PTPRD: variants seen among roughly 807,000 people sequenced by gnomAD.
The protein encoded by PTPRD is protein tyrosine phosphatase receptor type D, also known as receptor-type tyrosine-protein phosphatase delta.
Under a neutral mutation model 214.5 loss-of-function variants are expected in PTPRD, and 34 were observed. That is an observed-to-expected ratio of 0.16 (90% CI 0.12 to 0.21). PTPRD has a LOEUF of 0.21. Ranked by LOEUF, PTPRD falls within the 10% of genes least tolerant of loss-of-function variation. PTPRD has a pLI of 1.00. For synonymous variants in PTPRD, 1,128 were observed against 845.7 expected (o/e 1.33, Z -5.79); for missense variants, 2,545 against 2,398.7 (o/e 1.06, Z -1.27).
At chr9:10,455,389 T>G (rs2098903309) in intron 2 of PTPRD, among the ~76,000 whole-genome samples, 2 of 151,750 alleles carry the variant, frequency 1.3e-5, no homozygotes, top group Admixed American at 1.3e-4. Context: ...CTCTACTTGG[T>G]CCTCAACTAT....
At chr9:9,992,006 G>C in intron 4 of PTPRD, among the ~76,000 whole-genome samples, 1 of 152,122 alleles carries the variant, frequency 6.6e-6, no homozygotes, top group Admixed American at 6.5e-5. Flanking sequence ...CTAAATGAAA[G>C]GAGTCAGTCA....
At chr9:9,538,997 C>T (rs2077050986) in intron 8 of PTPRD, among the ~76,000 whole-genome samples, 1 of 151,734 alleles carries the variant, frequency 6.6e-6, no homozygotes, top group African/African-American at 2.4e-5. Context: ...AGTAAGACAG[C>T]CATGTTCCTG....
intron 11 of PTPRD, among the ~76,000 whole-genome samples, chr9:8,940,280 C>CCTTTTTTTTTTTTT (rs763715400): frequency 2.2e-5 from 2 of 89,050 alleles, no homozygotes; most frequent in African/African-American, 4.4e-5. Context: ...TCTCTCTCTC[C>CCTTTTTTTTTTTTT]TTTTTTTTTT....
At chr9:8,778,192 T>C (rs2095557460) in intron 11 of PTPRD, among the ~76,000 whole-genome samples, 1 of 152,252 alleles carries the variant, frequency 6.6e-6, no homozygotes, top group Admixed American at 6.5e-5. Flanking sequence ...GCCGGCGTGA[T>C]AGCCACAGGC....
chr9:9,713,235 T>G (rs1308331217), intron 7 of PTPRD, among the ~76,000 whole-genome samples: 1 of 152,172 alleles, frequency 6.6e-6, no homozygotes, highest in Non-Finnish European at 1.5e-5. Flanking sequence ...TGCCTAAGAA[T>G]AAGCTTAAAG....
intron 21 of PTPRD, among the ~76,000 whole-genome samples, chr9:8,515,503 A>C (rs1206072784): frequency 6.6e-6 from 1 of 152,168 alleles, no homozygotes; most frequent in Non-Finnish European, 1.5e-5. Flanking sequence ...ACCTTATTTC[A>C]ATATAGGATC....
At chr9:10,055,257 G>A (rs571287532) in intron 3 of PTPRD, among the ~76,000 whole-genome samples, 2 of 152,172 alleles carry the variant, frequency 1.3e-5, no homozygotes, top group African/African-American at 2.4e-5. Context: ...GGTCTGGTGC[G>A]ACTTTTCTTT....
At chr9:9,090,669 C>T (rs1188604810) in intron 10 of PTPRD, among the ~76,000 whole-genome samples, 1 of 152,164 alleles carries the variant, frequency 6.6e-6, no homozygotes, top group Non-Finnish European at 1.5e-5. Flanking sequence ...TTCATACAAA[C>T]TTAAAAAACA....
intron 13 of PTPRD, among the ~76,000 whole-genome samples, chr9:8,636,126 T>G (rs907937182): frequency 6.6e-6 from 1 of 152,206 alleles, no homozygotes; most frequent in Non-Finnish European, 1.5e-5. Context: ...CGAGGGGCAG[T>G]GGACCACTTC....
At chr9:10,404,076 T>C (rs922809450) in intron 2 of PTPRD, among the ~76,000 whole-genome samples, 1 of 151,754 alleles carries the variant, frequency 6.6e-6, no homozygotes, top group Non-Finnish European at 1.5e-5. Flanking sequence ...GGACAGGCCA[T>C]GCATACGTGA....
chr9:9,867,378 T>C (rs1041076789), intron 5 of PTPRD, among the ~76,000 whole-genome samples: 2 of 152,148 alleles, frequency 1.3e-5, no homozygotes, highest in African/African-American at 4.8e-5. Flanking sequence ...ATGCCTCTTG[T>C]TGGGTGGGAT....
At chr9:8,654,520 A>C (rs917326026) in intron 12 of PTPRD, among the ~76,000 whole-genome samples, 4 of 152,206 alleles carry the variant, frequency 2.6e-5, no homozygotes, top group Non-Finnish European at 5.9e-5. Flanking sequence ...AGAAAAAGAA[A>C]TACTTATGAA....
At chr9:8,819,472 G>A (rs1009047018) in intron 11 of PTPRD, among the ~76,000 whole-genome samples, 1 of 152,050 alleles carries the variant, frequency 6.6e-6, no homozygotes, top group Non-Finnish European at 1.5e-5. Flanking sequence ...GATCAGCCTG[G>A]CCAACATGGC....
intron 7 of PTPRD, among the ~76,000 whole-genome samples, chr9:9,583,165 T>A (rs652564): frequency 0.33 from 49,474 of 151,580 alleles, 8,392 homozygotes; most frequent in African/African-American, 0.38. Flanking sequence ...AAATAAACTT[T>A]CATACTCCTT....
intron 14 of PTPRD, among the ~76,000 whole-genome samples, chr9:8,562,128 C>T (rs988914208): frequency 2.6e-5 from 4 of 152,132 alleles, no homozygotes; most frequent in Non-Finnish European, 5.9e-5. Context: ...AAAATGGTGA[C>T]AGTGACAGAT....
chr9:9,591,636 T>C (rs576411577), intron 7 of PTPRD, among the ~76,000 whole-genome samples: 8 of 152,034 alleles, frequency 5.3e-5, no homozygotes, highest in Non-Finnish European at 7.4e-5. Flanking sequence ...TGAATACATA[T>C]TTAGCTATGT....
rs2099931682 is a variant in PTPRD at position 9,186,617 on chromosome 9, T to G, written c.-202-3254A>C. Among the ~76,000 whole-genome samples, 2 of 124,062 alleles carry G rather than the reference T, an allele frequency of 1.6e-5. 1 individual carries two copies. The highest frequency in any genetic ancestry group is 5.8e-4 in the South Asian group (2 of 3,436). 81.4% of individuals were successfully genotyped at this position (124,062 alleles called of 152,430 possible). ...CAAAACAAGACTCTGTCTCTCTCTC[T>G]CTCTCTGTCTCTCCCTCTCTCTCTC... On this transcript the variant is annotated intron_variant, in intron 9 of 45. Coordinates refer to ENST00000381196, the MANE Select transcript of PTPRD (RefSeq NM_002839.4).
At chr9:9,186,121 T>G (rs888437192) in intron 9 of PTPRD, among the ~76,000 whole-genome samples, 1 of 152,010 alleles carries the variant, frequency 6.6e-6, no homozygotes, top group Admixed American at 6.6e-5. Context: ...TGAGAAAAAA[T>G]AGATGATAAA....
intron 3 of PTPRD, among the ~76,000 whole-genome samples, chr9:10,240,814 G>A (rs957234899): frequency 2.0e-5 from 3 of 151,762 alleles, no homozygotes; most frequent in Admixed American, 1.3e-4. Flanking sequence ...TCTTAGACAG[G>A]ATTTTTGAAT....
Sources: gnomAD v4.1 joint callset for allele counts (sites outside exome capture counted in the v4.1 genomes callset) on GRCh38, gnomAD v4.1.1 for gene constraint, MANE v1.5 for transcripts, NCBI Gene and HGNC (gene_info 2026-07-23, HGNC 2026-07-21) for gene names.